The following IL16 variants were observed in gnomAD, a reference collection of about 807,000 sequenced individuals.
IL16 encodes the protein interleukin 16.
Under a neutral mutation model 110.1 loss-of-function variants are expected in IL16, and 67 were observed. The observed-to-expected ratio is 0.61, with a 90% CI of 0.50 to 0.75. The LOEUF (loss-of-function observed/expected upper bound fraction) is 0.75. Ranked by LOEUF, IL16 falls within the 30% of genes least tolerant of loss-of-function variation. The pLI, the probability that IL16 is intolerant of heterozygous loss-of-function variation, is 0.00. For missense variants in IL16, 1,545 were observed against 1,655.0 expected (o/e 0.93, Z 1.15); for synonymous variants, 689 against 662.9 (o/e 1.04, Z -0.61).
At chr15:81,260,023 C>G (rs932147830) in intron 3 of IL16, 143 bp downstream of exon 3, 2 of 596,714 alleles carry the variant, frequency 3.4e-6, no homozygotes, top group African/African-American at 3.7e-5. Context: ...TGTGTGCATG[C>G]TCTGGCTAGC....
chr15:81,216,714 A>G (rs1896447305), intron 1 of IL16, among the ~76,000 whole-genome samples: 1 of 152,164 alleles, frequency 6.6e-6, no homozygotes, highest in Non-Finnish European at 1.5e-5. Flanking sequence ...CCTACCGAGC[A>G]TTCATGAGGA....
intron 2 of IL16, among the ~76,000 whole-genome samples, chr15:81,237,715 G>C (rs1052203816): frequency 2.0e-5 from 3 of 151,876 alleles, no homozygotes; most frequent in African/African-American, 7.3e-5. Context: ...TTGTATATCT[G>C]AATGTTTTAT....
chr15:81,303,409 TGAG>T lies in IL16; in HGVS notation c.3319-138_3319-136del, dbSNP rs2141626531. ...GTCCATTCTTTACAGATGAGGAAAC[TGAG>T]GTTTGAGGAGGTGATGTAACTTGGA... On this transcript the variant is annotated intron_variant, in intron 15 of 18. Transcript: ENST00000683961. The surrounding 1 kb of genome is among the most constrained non-coding windows in gnomAD (Gnocchi z 4.1). 1 of 627,880 alleles carries T rather than the reference TGAG, an allele frequency of 1.6e-6. No individual in the cohort carries two copies. Among genetic ancestry groups the T allele is most frequent in the African/African-American group, 1.8e-5 (1 of 55,008 alleles). The allele number at this position is 627,880 out of a possible 1,614,324, so 38.9% of individuals were successfully genotyped here.
rs766601553 is a variant in IL16 at position 81,290,379 on chromosome 15, G to C, written c.1333-74G>C. 100 of 976,664 alleles carry C rather than the reference G, an allele frequency of 1.0e-4. No individual in the cohort carries two copies. In the African/African-American group the frequency reaches 1.5e-3, roughly 15 times the overall value. The allele number at this position is 976,664 out of a possible 1,614,324, so 60.5% of individuals were successfully genotyped here. On this transcript the variant is annotated intron_variant, in intron 10 of 18. Transcript: ENST00000683961. ...TTTAGAATCCAGTGGCCCAGCTTTG[G>C]AGCTGGTACGGGGCTGGGAGCCTGA...
chr15:81,293,515 A>C (rs1352588695), intron 12 of IL16, among the ~76,000 whole-genome samples: 2 of 152,162 alleles, frequency 1.3e-5, no homozygotes, highest in Non-Finnish European at 2.9e-5. Flanking sequence ...AGCCTGGCCA[A>C]GATGGTGAAA....
rs1900803149 is a variant in IL16 at position 81,310,657 on chromosome 15, C to A, written c.*1859C>A. 6.6e-6 allele frequency: 1 copy of A among 152,174 alleles called. No individual in the cohort carries two copies. The highest frequency in any genetic ancestry group is 2.1e-4 in the South Asian group (1 of 4,828). The allele number at this position is 152,174 out of a possible 1,614,324, so 9.4% of individuals were successfully genotyped here. The stretch of plus-strand genomic sequence containing the variant: ...CGTGATGTGGAGGGCACATTCCTTG[C>A]CTGCACAAACTCACCATCTGTGCAC... On this transcript the variant is annotated 3_prime_UTR_variant, in exon 19 of 19. Transcript: ENST00000683961.
chr15:81,247,076 C>CTTTTTTTTTTTTTTTTTTTTTTTTTTT (rs57484982), intron 2 of IL16, among the ~76,000 whole-genome samples: 1 of 92,638 alleles, frequency 1.1e-5, no homozygotes, highest in South Asian at 3.2e-4. Flanking sequence ...TTTTCTTTTC[C>CTTTTTTTTTTTTTTTTTTTTTTTTTTT]TTTTTTTTTT....
At chr15:81,260,453 C>T (rs1464907961) in intron 3 of IL16, among the ~76,000 whole-genome samples, 1 of 152,114 alleles carries the variant, frequency 6.6e-6, no homozygotes, top group Non-Finnish European at 1.5e-5. Context: ...CTTGAAAACA[C>T]CATTTTTTAG....
chr15:81,273,524 C>T (rs528734072), intron 6 of IL16, among the ~76,000 whole-genome samples: 4 of 152,234 alleles, frequency 2.6e-5, no homozygotes, highest in East Asian at 1.9e-4. Context: ...CCCATTCTCT[C>T]GGCTGTCTTT....
At chr15:81,214,519 A>G (rs1204525467) in intron 1 of IL16, among the ~76,000 whole-genome samples, 2 of 151,384 alleles carry the variant, frequency 1.3e-5, no homozygotes, top group South Asian at 2.1e-4. Flanking sequence ...CTTTCAGTTT[A>G]TGATTTACCC....
intron 2 of IL16, among the ~76,000 whole-genome samples, chr15:81,254,278 A>G (rs1014659764): frequency 2.9e-5 from 4 of 140,310 alleles, no homozygotes; most frequent in African/African-American, 1.2e-4. Flanking sequence ...TAACAGAGCA[A>G]TGGAATTGTC....
At chr15:81,274,248 A>G (rs998065575) in intron 6 of IL16, among the ~76,000 whole-genome samples, 9 of 152,206 alleles carry the variant, frequency 5.9e-5, no homozygotes, top group African/African-American at 2.2e-4. Flanking sequence ...CCTGTTTTCA[A>G]TGTCTCATGA....
At chr15:81,216,224 G>A (rs1207598787) in intron 1 of IL16, among the ~76,000 whole-genome samples, 2 of 152,184 alleles carry the variant, frequency 1.3e-5, no homozygotes, top group Non-Finnish European at 2.9e-5. Context: ...GCTGTCTGAA[G>A]GCCTGTCTTT....
Position 81,277,449 on chromosome 15 carries a change from C to CT in IL16, c.791-1355dup, listed in dbSNP as rs142967629. Among the ~76,000 whole-genome samples, 691 of 143,552 alleles carry CT rather than the reference C, an allele frequency of 4.8e-3. 3 individuals carry two copies. Among genetic ancestry groups the CT allele is most frequent in the East Asian group, 0.014 (68 of 4,998 alleles). The allele number at this position is 143,552 out of a possible 152,430, so 94.2% of individuals were successfully genotyped here. On this transcript the variant is annotated intron_variant, in intron 6 of 18. Transcript: ENST00000683961. ...AAAGGAAAAAGAAATCTTTTCTTTC[C>CT]TTTTTTTTTTTTTGAGACAGGATCT...
In IL16 at chr15:81,282,788, C is replaced by T. The variant is rs558702965; in HGVS notation, c.1199+32C>T. On this transcript the variant is annotated intron_variant, in intron 9 of 18. Coordinates refer to ENST00000683961, the MANE Select transcript of IL16 (RefSeq NM_172217.5). ...CCTCACTTCTGTTTCTGAATATACC[C>T]CCGACTTACAACCAGGAAAGAAATA... 6 of 1,410,726 alleles carry T rather than the reference C, an allele frequency of 4.3e-6. No homozygotes were observed. In the South Asian group the frequency reaches 6.9e-5, roughly 16 times the overall value. 87.4% of individuals were successfully genotyped at this position (1,410,726 alleles called of 1,614,324 possible). A position where few individuals can be genotyped will look rare whatever the true frequency, so the allele number is the denominator to read the frequency against.
chr15:81,206,033 C>A (rs1896004412), intron 1 of IL16, among the ~76,000 whole-genome samples: 1 of 152,038 alleles, frequency 6.6e-6, no homozygotes, highest in African/African-American at 2.4e-5. Context: ...AGATATACTC[C>A]AAATATGGTG....
At chr15:81,281,447 T>A (rs942378235) in intron 8 of IL16, among the ~76,000 whole-genome samples, 1 of 152,314 alleles carries the variant, frequency 6.6e-6, no homozygotes, top group South Asian at 2.1e-4. Context: ...ACCACCTACA[T>A]GCAGCTACGT....
chr15:81,286,575 G>T (rs950413411), intron 10 of IL16, among the ~76,000 whole-genome samples: 1 of 152,196 alleles, frequency 6.6e-6, no homozygotes, highest in Non-Finnish European at 1.5e-5. Flanking sequence ...ATTCTACATA[G>T]TGAGGAGCTA....
chr15:81,183,702 A>G (rs2141903418), intron 1 of IL16, among the ~76,000 whole-genome samples: 1 of 152,340 alleles, frequency 6.6e-6, no homozygotes, highest in South Asian at 2.1e-4. Context: ...CTTAGGTTGC[A>G]TTAAGGCATC....
Sources: gnomAD v4.1 joint callset for allele counts (sites outside exome capture counted in the v4.1 genomes callset) on GRCh38, gnomAD v4.1.1 for gene constraint, Gnocchi (gnomAD v3.1) non-coding constraint, MANE v1.5 for transcripts, NCBI Gene and HGNC (gene_info 2026-07-23, HGNC 2026-07-21) for gene names.